Variants in CHLSN observed in about 807,000 individuals in gnomAD.
The protein encoded by CHLSN is cholesin.
At chr7:1,120,815 C>T in the CHLSN span, among the ~76,000 whole-genome samples, 6 of 145,874 alleles carry the variant, frequency 4.1e-5, no homozygotes, top group Admixed American at 3.3e-4. Context: ...TGGATGGACA[C>T]GGGGCGTAGT....
chr7:1,010,171 C>T, the CHLSN span: 10 of 1,589,640 alleles, frequency 6.3e-6, no homozygotes, highest in Middle Eastern at 1.7e-4. Flanking sequence ...CATTAGGCTT[C>T]GGGGATGGAG....
chr7:1,122,545 G>A, the CHLSN span, among the ~76,000 whole-genome samples: 15 of 152,266 alleles, frequency 9.9e-5, no homozygotes, highest in Admixed American at 4.6e-4. Context: ...GGGGGAGGGT[G>A]AAAGACAGAA....
the CHLSN span, among the ~76,000 whole-genome samples, chr7:1,079,271 C>T: frequency 2.0e-5 from 3 of 152,254 alleles, no homozygotes; most frequent in Non-Finnish European, 2.9e-5. Context: ...CCTTCACAGC[C>T]ATCCTGGGTC....
the CHLSN span, among the ~76,000 whole-genome samples, chr7:1,119,626 AGCACTTTT>A: frequency 2.0e-5 from 3 of 152,206 alleles, no homozygotes; most frequent in African/African-American, 4.8e-5. Context: ...CTGTGATTTC[AGCACTTTT>A]GGGAGGCCGA....
At chr7:1,016,392 CCAGCACACAGCAGCACACAGCA>C in the CHLSN span, among the ~76,000 whole-genome samples, 1 of 56,366 alleles carries the variant, frequency 1.8e-5, no homozygotes, top group Non-Finnish European at 3.2e-5. Flanking sequence ...GCAGCACACG[CCAGCACACAGCAGCACACAGCA>C]GCGCACGCCA....
chr7:1,028,165 G>T, the CHLSN span: 1 of 875,360 alleles, frequency 1.1e-6, no homozygotes, highest in Non-Finnish European at 1.4e-6. Flanking sequence ...TCCCACGGGA[G>T]CGCCCACCTG....
chr7:1,045,642 A>C, the CHLSN span: 1 of 152,258 alleles, frequency 6.6e-6, no homozygotes, highest in African/African-American at 2.4e-5. Context: ...TAATTAGACG[A>C]AGTGCACACT....
chr7:1,115,794 G>A, the CHLSN span, among the ~76,000 whole-genome samples: 643 of 110,470 alleles, frequency 5.8e-3, 50 homozygotes, highest in Non-Finnish European at 7.4e-3. Flanking sequence ...CATCACCAAC[G>A]CCCACGCAGG....
At chr7:1,013,865 T>C in the CHLSN span, among the ~76,000 whole-genome samples, 6 of 152,176 alleles carry the variant, frequency 3.9e-5, no homozygotes, top group African/African-American at 1.4e-4. Flanking sequence ...AAAATAAAAA[T>C]TCCAGCCACA....
the CHLSN span, among the ~76,000 whole-genome samples, chr7:993,006 G>A: frequency 6.6e-6 from 1 of 152,202 alleles, no homozygotes; most frequent in Non-Finnish European, 1.5e-5. Context: ...AGCGGGGGAG[G>A]GGGTGGCCCA....
the CHLSN span, chr7:1,093,725 G>A: frequency 4.3e-6 from 2 of 464,716 alleles, no homozygotes; most frequent in African/African-American, 2.0e-5. Context: ...CTGCGGTGAT[G>A]ATGTAAAAAC....
At chr7:1,052,237 C>A in the CHLSN span, among the ~76,000 whole-genome samples, 1 of 152,244 alleles carries the variant, frequency 6.6e-6, no homozygotes, top group Admixed American at 6.5e-5. This position sits in a 1 kb window ranked among gnomAD's most constrained non-coding sequence, Gnocchi z 4.2. Context: ...TGAGCAGGCG[C>A]CTGCGTCGAG....
chr7:1,063,843 T>C, the CHLSN span, among the ~76,000 whole-genome samples: 2 of 152,218 alleles, frequency 1.3e-5, no homozygotes, highest in Non-Finnish European at 2.9e-5. Flanking sequence ...GGCTCCTTAA[T>C]CTAACTGTAC....
At chr7:1,093,767 G>A in the CHLSN span, 2 of 443,200 alleles carry the variant, frequency 4.5e-6, no homozygotes, top group Admixed American at 4.9e-5. Flanking sequence ...AGCTGATGAG[G>A]CTGGTGACGT....
At chr7:1,122,024 T>A in the CHLSN span, among the ~76,000 whole-genome samples, 1,028 of 150,668 alleles carry the variant, frequency 6.8e-3, 8 homozygotes, top group Middle Eastern at 0.041. Flanking sequence ...ACATGGACCC[T>A]GCCCTCGACT....
the CHLSN span, among the ~76,000 whole-genome samples, chr7:1,132,694 T>TAAAA: frequency 3.5e-3 from 374 of 106,970 alleles, 1 homozygote; most frequent in Middle Eastern, 0.015. Context: ...AACCTGTCTT[T>TAAAA]AAAAAAAAAA....
At chr7:1,087,664 T>G in the CHLSN span, among the ~76,000 whole-genome samples, 1 of 152,214 alleles carries the variant, frequency 6.6e-6, no homozygotes. Context: ...CTAAGTTACT[T>G]GTCAGAAATG....
At chr7:1,069,318 G>T in the CHLSN span, among the ~76,000 whole-genome samples, 1 of 151,818 alleles carries the variant, frequency 6.6e-6, no homozygotes, top group African/African-American at 2.4e-5. Context: ...GCGACAGAGC[G>T]AAACTCCGTC....
chr7:1,064,109 C>G, the CHLSN span, among the ~76,000 whole-genome samples: 2 of 152,186 alleles, frequency 1.3e-5, no homozygotes, highest in African/African-American at 2.4e-5. Flanking sequence ...CACATACATG[C>G]GTGCAAGCAT....
Sources: gnomAD v4.1 joint callset for allele counts (sites outside exome capture counted in the v4.1 genomes callset) on GRCh38, gnomAD v4.1.1 for gene constraint, Gnocchi (gnomAD v3.1) non-coding constraint, MANE v1.5 for transcripts, NCBI Gene and HGNC (gene_info 2026-07-23, HGNC 2026-07-21) for gene names.